The following GLB1L2 variants were observed in gnomAD, a reference collection of about 807,000 sequenced individuals.
GLB1L2 encodes beta-galactosidase-1-like protein 2.
Under a neutral mutation model 84.1 loss-of-function variants are expected in GLB1L2, and 68 were observed. The ratio of observed to expected loss-of-function variants is 0.81; its 90% CI spans 0.67 to 0.99. GLB1L2 has a LOEUF of 0.99. Ranked by LOEUF, GLB1L2 falls within the 50% of genes least tolerant of loss-of-function variation. The probability of loss-of-function intolerance (pLI) is 0.00; values close to 1 mark genes in which losing one functional copy is unlikely to be tolerated. For synonymous variants in GLB1L2, 290 were observed against 318.0 expected, an observed-to-expected ratio of 0.91 and a Z score of 0.94; for missense variants, 762 against 805.6, an observed-to-expected ratio of 0.95 and a Z score of 0.66.
intron 5 of GLB1L2, among the ~76,000 whole-genome samples, chr11:134,352,649 C>CTTTT (rs543898112): frequency 7.5e-6 from 1 of 133,416 alleles, no homozygotes; most frequent in African/African-American, 3.1e-5. Context: ...AATATGTCTT[C>CTTTT]TTTTTTTTTT....
Position 134,339,582 on chromosome 11 carries a change from G to C in GLB1L2, c.87-3172G>C, listed in dbSNP as rs1943434646. On this transcript the variant is annotated intron_variant, in intron 1 of 18. Coordinates refer to ENST00000535456, the MANE Select transcript of GLB1L2 (RefSeq NM_001370461.1). The surrounding 1 kb of genome is among the most constrained non-coding windows in gnomAD (Gnocchi z 5.7). ...AGCTAGATTGTTTTTTATTCTTGTT[G>C]TTTATTTCATTCCTCTTGCTATGCA... 6.6e-6 allele frequency among the ~76,000 whole-genome samples: 1 copy of C among 151,950 alleles called. No individual in the cohort carries two copies. The highest frequency in any genetic ancestry group is 1.5e-5 in the Non-Finnish European group (1 of 67,986).
At chr11:134,367,441 G>A in intron 9 of GLB1L2, 100 bp downstream of exon 9, 1 of 958,738 alleles carries the variant, frequency 1.0e-6, no homozygotes, top group African/African-American at 1.6e-5. Context: ...GGGGGTGCAA[G>A]GCTGCTGGGA....
At chr11:134,347,626 T>A (rs1943570602) in intron 5 of GLB1L2, among the ~76,000 whole-genome samples, 193 bp downstream of exon 5, 1 of 152,242 alleles carries the variant, frequency 6.6e-6, no homozygotes, top group African/African-American at 2.4e-5. Flanking sequence ...TTCAGTGTTG[T>A]CTCACTTGGG....
intron 15 of GLB1L2, among the ~76,000 whole-genome samples, chr11:134,373,203 C>T (rs958897756): frequency 6.6e-6 from 1 of 152,190 alleles, no homozygotes; most frequent in African/African-American, 2.4e-5. Flanking sequence ...GGCCCGGCCC[C>T]GGGACACTGA....
Position 134,341,003 on chromosome 11 carries a change from T to C in GLB1L2, c.87-1751T>C, listed in dbSNP as rs150336987. Among the ~76,000 whole-genome samples, 17 of 152,322 alleles carry C rather than the reference T, an allele frequency of 1.1e-4. No individual in the cohort carries two copies. The East Asian group carries it at 3.3e-3, about 29-fold the overall frequency. ...ATAGGATCTCAGTGTACAGAATCTT[T>C]CATTGTCAAATTTTAGAAATTGTCA... is the stretch of plus-strand genomic sequence containing the variant. On this transcript the variant is annotated intron_variant, in intron 1 of 18. Coordinates refer to ENST00000535456, the MANE Select transcript of GLB1L2 (RefSeq NM_001370461.1).
intron 4 of GLB1L2, chr11:134,347,068 G>A (rs1446673454): frequency 8.7e-6 from 4 of 459,706 alleles, no homozygotes; most frequent in Non-Finnish European, 1.6e-5. Flanking sequence ...CTGGCAGCCA[G>A]GCCCTGTAGC....
Position 134,375,479 on chromosome 11 carries a change from T to C in GLB1L2, c.*421T>C, listed in dbSNP as rs1944014154. 6.0e-6 allele frequency: 1 copy of C among 166,356 alleles called. No individual in the cohort carries two copies. Among genetic ancestry groups the C allele is most frequent in the Admixed American group, 6.4e-5 (1 of 15,736 alleles). 10.3% of individuals were successfully genotyped at this position (166,356 alleles called of 1,614,324 possible). Reference sequence around the variant, plus strand: ...CTTGGCCACATCCCTCATGGCCCCATTTTATCCCCGAAATCCTGGGTGTGT... The same window carrying C: ...CTTGGCCACATCCCTCATGGCCCCACTTTATCCCCGAAATCCTGGGTGTGT... On this transcript the variant is annotated 3_prime_UTR_variant, in exon 19 of 19. Coordinates refer to ENST00000535456, the MANE Select transcript of GLB1L2 (RefSeq NM_001370461.1).
rs76941913 is a variant in GLB1L2, at chr11:134,347,483, C to T, written c.558+50C>T. 433 of 1,295,168 alleles carry T rather than the reference C, an allele frequency of 3.3e-4. 1 individual carries two copies. The East Asian group carries it at 8.2e-3, about 25-fold the overall frequency. 80.2% of individuals were successfully genotyped at this position (1,295,168 alleles called of 1,614,324 possible). On this transcript the variant is annotated intron_variant, in intron 5 of 18. Transcript: ENST00000535456. ...GATCTTGGTCTGTCTTCCTCTAGGT[C>T]GTGGATCATCCTTGGTTAGTTCTCA...
chr11:134,361,341 C>T (rs1386634116), intron 7 of GLB1L2: 1 of 152,138 alleles, frequency 6.6e-6, no homozygotes, highest in Non-Finnish European at 1.5e-5. Flanking sequence ...AAAAATTCTG[C>T]CTATTGACTT....
At chr11:134,342,670 T>G in intron 1 of GLB1L2, 84 bp from the exon 2 acceptor site, 5 of 1,353,018 alleles carry the variant, frequency 3.7e-6, no homozygotes, top group Non-Finnish European at 5.1e-6. Flanking sequence ...GAGAGAGAAA[T>G]GCCGAGGACC....
At position 134,375,340 on chromosome 11, in the gene GLB1L2, A is replaced by T. The variant is rs1944011734; in HGVS notation, c.*282A>T. The T allele has an allele frequency of 2.5e-6, 1 of 397,980 alleles. No individual in the cohort carries two copies. The highest frequency in any genetic ancestry group is 4.5e-6 in the Non-Finnish European group (1 of 223,346). The allele number at this position is 397,980 out of a possible 1,614,324, so 24.7% of individuals were successfully genotyped here. On this transcript the variant is annotated 3_prime_UTR_variant, in exon 19 of 19. Transcript: ENST00000535456. ...CTCTAGGGTGGGAGCAGCTAATCAG[A>T]TCGCCCAGCCTTTGGCCCTCAGAAA...
chr11:134,356,067 A>C (rs1312356266), intron 5 of GLB1L2: 1 of 646,292 alleles, frequency 1.5e-6, no homozygotes, highest in African/African-American at 1.8e-5. Flanking sequence ...TAGACACTTA[A>C]ATGGTTTCCA....
rs1475859295 is a variant in GLB1L2, at chr11:134,375,159, CCTT to C, written c.*102_*104del. 3.5e-6 allele frequency: 3 copies of C among 847,676 alleles called. No homozygotes were observed. The highest frequency in any genetic ancestry group is 5.7e-6 in the Non-Finnish European group (3 of 530,290). The allele number at this position is 847,676 out of a possible 1,614,324, so 52.5% of individuals were successfully genotyped here. A position where few individuals can be genotyped will look rare whatever the true frequency, so the allele number is the denominator to read the frequency against. On this transcript the variant is annotated 3_prime_UTR_variant, in exon 19 of 19. Transcript: ENST00000535456. ...CCCACCCCTCACTGCAAAAGCATCT[CCTT>C]AAGTAGCAACCTCAGGGACTGGGGG...
intron 15 of GLB1L2, among the ~76,000 whole-genome samples, chr11:134,372,052 G>T (rs185401439): frequency 6.6e-6 from 1 of 152,200 alleles, no homozygotes; most frequent in Non-Finnish European, 1.5e-5. Context: ...CTGCGTGCTC[G>T]TGATAAACAC....
chr11:134,342,654 G>T, intron 1 of GLB1L2, 100 bp from the exon 2 acceptor site: 4 of 1,185,412 alleles, frequency 3.4e-6, no homozygotes, highest in Non-Finnish European at 4.7e-6. Flanking sequence ...GGACGCAGGC[G>T]CCCTCGAGAG....
intron 2 of GLB1L2, among the ~76,000 whole-genome samples, chr11:134,343,649 A>G (rs71489004): frequency 0.037 from 5,667 of 152,290 alleles, 143 homozygotes; most frequent in Non-Finnish European, 0.051. Context: ...AGTTCCTTAA[A>G]GAGTTACAGA....
rs774847967 is a variant in GLB1L2, at chr11:134,342,713, G to A, written c.87-41G>A. ...GGGCGAGGAAGCCGATCTCTCTGCG[G>A]CCCGGAGCCTCCAGGCTCCAGAATG... On this transcript the variant is annotated intron_variant, in intron 1 of 18. Coordinates refer to ENST00000535456, the MANE Select transcript of GLB1L2 (RefSeq NM_001370461.1). 7 of 1,578,316 alleles carry A rather than the reference G, an allele frequency of 4.4e-6. No individual in the cohort carries two copies. The African/African-American group carries it at 9.5e-5, about 21-fold the overall frequency.
At chr11:134,354,683 A>G (rs2136275390) in intron 5 of GLB1L2, among the ~76,000 whole-genome samples, 1 of 152,260 alleles carries the variant, frequency 6.6e-6, no homozygotes, top group African/African-American at 2.4e-5. Flanking sequence ...CTTTGACTAT[A>G]TCATCTCATT....
At chr11:134,363,955 G>T (rs568026106) in intron 7 of GLB1L2, among the ~76,000 whole-genome samples, 1 of 152,286 alleles carries the variant, frequency 6.6e-6, no homozygotes, top group South Asian at 2.1e-4. Flanking sequence ...TCAGTTCACT[G>T]CAACTTCTGC....
Sources: gnomAD v4.1 joint callset for allele counts (sites outside exome capture counted in the v4.1 genomes callset) on GRCh38, gnomAD v4.1.1 for gene constraint, Gnocchi (gnomAD v3.1) non-coding constraint, MANE v1.5 for transcripts, NCBI Gene and HGNC (gene_info 2026-07-23, HGNC 2026-07-21) for gene names.